Variants in TRIQK observed in about 807,000 individuals in gnomAD.
TRIQK encodes the protein triple QxxK/R motif-containing protein.
Under a neutral mutation model 10.8 loss-of-function variants are expected in TRIQK, and 10 were observed. That is an observed-to-expected ratio of 0.92 (90% CI 0.57 to 1.57). The LOEUF is 1.57. Ranked by LOEUF, TRIQK falls within the 40% of genes most tolerant of loss-of-function variation. The probability of loss-of-function intolerance (pLI) is 0.00; values close to 1 mark genes in which losing one functional copy is unlikely to be tolerated. For synonymous variants in TRIQK, 33 were observed against 33.7 expected (o/e 0.98, Z 0.07); for missense variants, 107 against 97.7 (o/e 1.09, Z -0.40).
At chr8:92,919,661 G>A (rs1041397066) in intron 2 of TRIQK, among the ~76,000 whole-genome samples, 2 of 151,790 alleles carry the variant, frequency 1.3e-5, no homozygotes, top group South Asian at 4.1e-4. Context: ...TGTAAAATGA[G>A]TTTGGCAGTA....
At chr8:92,913,335 A>C (rs1809663948) in intron 3 of TRIQK, among the ~76,000 whole-genome samples, 1 of 152,076 alleles carries the variant, frequency 6.6e-6, no homozygotes, top group African/African-American at 2.4e-5. Flanking sequence ...TCTCAAAAGA[A>C]GACATTTATG....
intron 3 of TRIQK, among the ~76,000 whole-genome samples, chr8:92,897,810 C>A (rs1255730873): frequency 1.3e-5 from 2 of 151,942 alleles, no homozygotes; most frequent in African/African-American, 4.8e-5. Context: ...TATGTGCATG[C>A]AGGTATATGT....
intron 4 of TRIQK, among the ~76,000 whole-genome samples, chr8:92,888,936 GTGATGCTGTAATTCTTGAAAAAATA>G (rs1269774442): frequency 6.6e-6 from 1 of 151,496 alleles, no homozygotes; most frequent in Non-Finnish European, 1.5e-5. Context: ...AAAAAAGTTG[GTGATGCTGTAATTCTTGAAAAAATA>G]ATCTTTTAAT....
chr8:92,947,646 A>C (rs1024329891), intron 2 of TRIQK, among the ~76,000 whole-genome samples: 7 of 148,456 alleles, frequency 4.7e-5, no homozygotes, highest in Non-Finnish European at 7.4e-5. Context: ...ACTATTTTTC[A>C]TTCTTTAATC....
At chr8:92,982,545 G>C (rs1365184663) in intron 1 of TRIQK, among the ~76,000 whole-genome samples, 1 of 151,936 alleles carries the variant, frequency 6.6e-6, no homozygotes, top group Non-Finnish European at 1.5e-5. Flanking sequence ...GGATGAAGGA[G>C]AGGTTATGAC....
intron 3 of TRIQK, among the ~76,000 whole-genome samples, chr8:92,898,833 GTATATATATATATATATATATATATA>G (rs67063066): frequency 1.4e-4 from 10 of 73,904 alleles, no homozygotes; most frequent in Admixed American, 9.9e-4. Flanking sequence ...GTGTGTGTGT[GTATATATATATATATATATATATATA>G]TATATATATA....
rs1023549591 is a variant in TRIQK, at chr8:92,977,569, A to C, written c.-180-23005T>G. On this transcript the variant is annotated intron_variant, in intron 1 of 4. Coordinates refer to the TRIQK transcript ENST00000520686. ...TATCCTTTTCTCTACCCTCCTGATC[A>C]TTGGGAAGATAGTTATAACTGCTTA... Among the ~76,000 whole-genome samples, 4 of 152,110 alleles carry C rather than the reference A, an allele frequency of 2.6e-5. No homozygotes were observed. The South Asian group carries it at 8.3e-4, about 32-fold the overall frequency.
chr8:93,008,435 C>A (rs1813296379), intron 1 of TRIQK, among the ~76,000 whole-genome samples: 1 of 152,010 alleles, frequency 6.6e-6, no homozygotes, highest in African/African-American at 2.4e-5. Flanking sequence ...ATGTAGATGA[C>A]TACATTTTGA....
intron 3 of TRIQK, among the ~76,000 whole-genome samples, chr8:92,893,001 T>A (rs1196655310): frequency 6.6e-6 from 1 of 151,958 alleles, no homozygotes; most frequent in Non-Finnish European, 1.5e-5. Flanking sequence ...TCTCTGGCTA[T>A]TTTATATTCT....
intron 1 of TRIQK, among the ~76,000 whole-genome samples, chr8:93,013,267 T>C (rs1451056306): frequency 6.6e-6 from 1 of 152,204 alleles, no homozygotes; most frequent in Non-Finnish European, 1.5e-5. Flanking sequence ...ACTTGACTAT[T>C]TGGATTGACT....
intron 2 of TRIQK, chr8:92,922,500 A>C (rs1039743628): frequency 1.3e-5 from 2 of 151,838 alleles, no homozygotes; most frequent in African/African-American, 4.8e-5. Flanking sequence ...CTATCTGCCA[A>C]AATGGTTACT....
At chr8:92,972,797 A>G (rs1812888256) in intron 1 of TRIQK, 1 of 152,268 alleles carries the variant, frequency 6.6e-6, no homozygotes, top group African/African-American at 2.4e-5. Flanking sequence ...GGCCAGCTTC[A>G]CGGTATGAGA....
In TRIQK at chr8:92,958,973, G is replaced by T. The variant is rs532990809; in HGVS notation, c.-180-4409C>A. ...ATAGACAATACGTAAACAAATGAGT[G>T]TGATTGTTTTCTAATAAAACTTTAT... is the stretch of plus-strand genomic sequence containing the variant. On this transcript the variant is annotated intron_variant, in intron 1 of 4. Coordinates refer to ENST00000521988, the MANE Select transcript of TRIQK (RefSeq NM_001171797.2). Among the ~76,000 whole-genome samples the T allele has an allele frequency of 1.3e-4, 20 of 152,070 alleles. 1 individual carries two copies. The South Asian group carries it at 3.7e-3, about 28-fold the overall frequency.
chr8:92,894,450 G>GAA (rs147116686), intron 3 of TRIQK, among the ~76,000 whole-genome samples: 13 of 147,678 alleles, frequency 8.8e-5, no homozygotes, highest in African/African-American at 2.5e-4. Context: ...ACACCTAAGG[G>GAA]AAAAAAAAAA....
intron 3 of TRIQK, among the ~76,000 whole-genome samples, chr8:92,916,326 G>C (rs1809839611): frequency 6.6e-6 from 1 of 152,090 alleles, no homozygotes; most frequent in African/African-American, 2.4e-5. Flanking sequence ...CCTGTGCTAA[G>C]TGAGCTTTTC....
rs922167276 is a variant in TRIQK at position 92,885,159 on chromosome 8, G to C, written c.*1463C>G. On this transcript the variant is annotated 3_prime_UTR_variant, in exon 5 of 5. Transcript: ENST00000521988. ...GATTTGTGAGGATATTGGAACCTTT[G>C]GCTGTTTTCACACCAATGAAATAAA... The C allele has an allele frequency of 1.6e-5, 6 of 374,338 alleles. No homozygotes were observed. Among genetic ancestry groups the C allele is most frequent in the African/African-American group, 1.3e-4 (6 of 47,260 alleles). The allele number at this position is 374,338 out of a possible 1,614,324, so 23.2% of individuals were successfully genotyped here.
chr8:92,937,870 T>C (rs776603069), intron 2 of TRIQK, among the ~76,000 whole-genome samples: 3 of 151,994 alleles, frequency 2.0e-5, no homozygotes, highest in East Asian at 1.9e-4. Context: ...CCATTGATAA[T>C]ATTTTTGCAG....
intron 1 of TRIQK, among the ~76,000 whole-genome samples, chr8:92,995,749 G>A (rs1321595147): frequency 6.6e-6 from 1 of 152,000 alleles, no homozygotes; most frequent in African/African-American, 2.4e-5. Context: ...TATTTTGTTT[G>A]TTGAAGTTGA....
intron 1 of TRIQK, among the ~76,000 whole-genome samples, chr8:93,008,452 C>T (rs1813296463): frequency 6.6e-6 from 1 of 152,046 alleles, no homozygotes; most frequent in South Asian, 2.1e-4. Flanking sequence ...TTGATATTCT[C>T]TATCAAAAGA....
Sources: allele counts gnomAD v4.1 joint callset (sites outside exome capture counted in the v4.1 genomes callset), GRCh38; gene constraint gnomAD v4.1.1; transcripts MANE v1.5; gene names NCBI Gene and HGNC (gene_info 2026-07-23, HGNC 2026-07-21).